The following BANP variants were observed in gnomAD, a reference collection of about 807,000 sequenced individuals.
BANP encodes protein BANP.
Under a neutral mutation model 68.1 loss-of-function variants are expected in BANP, and 11 were observed. The observed-to-expected ratio is 0.16, with a 90% CI of 0.10 to 0.27. The LOEUF (loss-of-function observed/expected upper bound fraction) is 0.27. Ranked by LOEUF, BANP falls within the 10% of genes least tolerant of loss-of-function variation. The probability of loss-of-function intolerance (pLI) is 1.00; values close to 1 mark genes in which losing one functional copy is unlikely to be tolerated. For synonymous variants in BANP, 329 were observed against 303.2 expected (o/e 1.09, Z -0.88); for missense variants, 504 against 722.7 (o/e 0.70, Z 3.47).
chr16:88,035,230 A>G lies in BANP; in HGVS notation c.1201-93A>G, dbSNP rs2079052980. ...TTAGTTATCTTTTTGAATTGTAAAC[A>G]GATAATCAAGAACAAACATTCCGGA... On this transcript the variant is annotated intron_variant, in intron 9 of 13. Transcript: ENST00000682872. 29 of 1,151,132 alleles carry G rather than the reference A, an allele frequency of 2.5e-5. No individual in the cohort carries two copies. In the South Asian group the frequency reaches 2.6e-4, roughly 10 times the overall value. The allele number at this position is 1,151,132 out of a possible 1,614,324, so 71.3% of individuals were successfully genotyped here. A position where few individuals can be genotyped will look rare whatever the true frequency, so the allele number is the denominator to read the frequency against.
At chr16:87,951,993 C>T (rs1326214892) in intron 1 of BANP, among the ~76,000 whole-genome samples, 1 of 149,720 alleles carries the variant, frequency 6.7e-6, no homozygotes, top group Non-Finnish European at 1.5e-5. Context: ...TGGACCGGAG[C>T]CCCATAGCCC....
intron 9 of BANP, among the ~76,000 whole-genome samples, chr16:88,033,696 C>G (rs1021878745): frequency 2.3e-4 from 35 of 152,210 alleles, no homozygotes; most frequent in Non-Finnish European, 1.2e-4. Flanking sequence ...TGCAGCGTGT[C>G]CCTTGGAGTT....
At chr16:87,977,811 G>A (rs552751814) in intron 2 of BANP, among the ~76,000 whole-genome samples, 108 of 151,392 alleles carry the variant, frequency 7.1e-4, no homozygotes, top group South Asian at 4.0e-3. Flanking sequence ...ACTTGCATCA[G>A]GCCTGTCACT....
intron 6 of BANP, among the ~76,000 whole-genome samples, chr16:88,008,717 G>A (rs930705539): frequency 5.3e-5 from 8 of 152,138 alleles, no homozygotes; most frequent in South Asian, 4.1e-4. Flanking sequence ...TTTTTCTTTA[G>A]CTAGGCTTTG....
rs1414257459 is a variant in BANP, at chr16:87,952,889, C to T, written c.-69+1374C>T. Reference sequence around the variant, plus strand: ...TCCCTGGCTCAAGTGATCCTCCCACCGCAGCCTCCTGAGTAGCTCGGACCA... The same window carrying T: ...TCCCTGGCTCAAGTGATCCTCCCACTGCAGCCTCCTGAGTAGCTCGGACCA... On this transcript the variant is annotated intron_variant, in intron 1 of 13. Coordinates refer to ENST00000682872, the MANE Select transcript of BANP (RefSeq NM_001386991.1). 3 of 152,118 alleles carry T rather than the reference C, an allele frequency of 2.0e-5. No individual in the cohort carries two copies. In the East Asian group the frequency reaches 5.8e-4, roughly 29 times the overall value. 9.4% of individuals were successfully genotyped at this position (152,118 alleles called of 1,614,324 possible).
At position 87,964,008 on chromosome 16, in the gene BANP, A is replaced by G. The variant is rs150562480; in HGVS notation, c.-68-11040A>G. Among the ~76,000 whole-genome samples the G allele has an allele frequency of 7.1e-3, 1,088 of 152,338 alleles. 13 individuals carry two copies. Among genetic ancestry groups the G allele is most frequent in the African/African-American group, 0.024 (993 of 41,562 alleles). On this transcript the variant is annotated intron_variant, in intron 1 of 13. Transcript: ENST00000682872. Reference sequence around the variant, plus strand: ...TTTCTCCTGATGACCAGCTACCGTTAGCCTTTGCTGACAGTGGATGGGCAC... The same window carrying G: ...TTTCTCCTGATGACCAGCTACCGTTGGCCTTTGCTGACAGTGGATGGGCAC...
intron 12 of BANP, among the ~76,000 whole-genome samples, chr16:88,069,963 C>T (rs2089891257): frequency 6.6e-6 from 1 of 152,186 alleles, no homozygotes; most frequent in African/African-American, 2.4e-5. Flanking sequence ...CCTCCTCTTC[C>T]CCCCAGCCCC....
At chr16:87,978,281 G>C (rs148687777) in intron 2 of BANP, among the ~76,000 whole-genome samples, 2,460 of 152,304 alleles carry the variant, frequency 0.016, 68 homozygotes, top group African/African-American at 0.053. Context: ...ACTACCTGTG[G>C]AGTCATTACT....
chr16:88,038,592 C>G (rs891552046), intron 11 of BANP, among the ~76,000 whole-genome samples: 3 of 151,948 alleles, frequency 2.0e-5, no homozygotes, highest in African/African-American at 7.3e-5. Flanking sequence ...GTATTGCCGT[C>G]AAACTCACAA....
chr16:88,003,265 C>T lies in BANP; in HGVS notation c.363-1030C>T, dbSNP rs2069958876. Among the ~76,000 whole-genome samples, 1 of 152,124 alleles carries T rather than the reference C, an allele frequency of 6.6e-6. No homozygotes were observed. The highest frequency in any genetic ancestry group is 2.4e-5 in the African/African-American group (1 of 41,416). ...ATTATGCCTTTATTTTAGGAGAAAA[C>T]CTGGTGGTCCTGTGATTTACTTGAG... On this transcript the variant is annotated intron_variant, in intron 4 of 13. Transcript: ENST00000682872. The surrounding 1 kb of genome is among the most constrained non-coding windows in gnomAD (Gnocchi z 6.1).
rs566645527 is a variant in BANP at position 87,957,116 on chromosome 16, A to G, written c.-69+5601A>G. 23 of 152,318 alleles carry G rather than the reference A, an allele frequency of 1.5e-4. No homozygotes were observed. Among genetic ancestry groups the G allele is most frequent in the South Asian group, 2.1e-4 (1 of 4,818 alleles). The allele number at this position is 152,318 out of a possible 1,614,324, so 9.4% of individuals were successfully genotyped here. ...TCTACACTTCGTCAAGAACCGTCCA[A>G]TTTGATTAAACATTCTGGATCGTCA... On this transcript the variant is annotated intron_variant, in intron 1 of 13. Coordinates refer to ENST00000682872, the MANE Select transcript of BANP (RefSeq NM_001386991.1). The surrounding 1 kb of genome is among the most constrained non-coding windows in gnomAD (Gnocchi z 4.3).
intron 11 of BANP, among the ~76,000 whole-genome samples, chr16:88,043,712 G>A (rs557980137): frequency 7.4e-4 from 112 of 152,308 alleles, no homozygotes; most frequent in African/African-American, 2.6e-3. Context: ...TCCCTGGAGC[G>A]GGGAGAGGCA....
Position 87,951,496 on chromosome 16 carries a change from A to C in BANP, c.-88A>C, listed in dbSNP as rs2056823640. 1 of 152,630 alleles carries C rather than the reference A, an allele frequency of 6.6e-6. No individual in the cohort carries two copies. The highest frequency in any genetic ancestry group is 1.5e-5 in the Non-Finnish European group (1 of 67,856). The allele number at this position is 152,630 out of a possible 1,614,324, so 9.5% of individuals were successfully genotyped here. On this transcript the variant is annotated 5_prime_UTR_variant, in exon 1 of 14. Coordinates refer to ENST00000682872, the MANE Select transcript of BANP (RefSeq NM_001386991.1). ...TCGCATCTCCCCGACAAACACCACGAGAATTCCGCAGCCCACACGGTAATT... is the reference window on the plus strand; with the variant it reads ...TCGCATCTCCCCGACAAACACCACGCGAATTCCGCAGCCCACACGGTAATT...
chr16:88,025,879 C>T (rs1381693124), intron 7 of BANP, among the ~76,000 whole-genome samples: 3 of 152,156 alleles, frequency 2.0e-5, no homozygotes, highest in Non-Finnish European at 4.4e-5. Context: ...TGGATTCCAT[C>T]CATGTATTTT....
chr16:87,984,669 T>C (rs959907562), intron 4 of BANP, among the ~76,000 whole-genome samples: 1 of 152,280 alleles, frequency 6.6e-6, no homozygotes, highest in Non-Finnish European at 1.5e-5. Flanking sequence ...GTTTTTATTT[T>C]GCTTATTTTT....
intron 1 of BANP, among the ~76,000 whole-genome samples, chr16:87,965,923 T>A (rs1344948180): frequency 2.0e-5 from 3 of 152,100 alleles, no homozygotes; most frequent in Non-Finnish European, 4.4e-5. Flanking sequence ...GTGGGGCTCG[T>A]GCAGTTGGAG....
chr16:88,034,108 T>C (rs2078789022), intron 9 of BANP, among the ~76,000 whole-genome samples: 1 of 152,208 alleles, frequency 6.6e-6, no homozygotes, highest in Non-Finnish European at 1.5e-5. Flanking sequence ...TCAGTGTGGC[T>C]TCAGCATGCT....
At chr16:87,959,556 GC>G (rs1469561670) in intron 1 of BANP, among the ~76,000 whole-genome samples, 4 of 152,346 alleles carry the variant, frequency 2.6e-5, no homozygotes, top group Middle Eastern at 3.4e-3. Flanking sequence ...CGGGGAGGAG[GC>G]CCCCTGGAGG....
chr16:87,966,457 T>C (rs2060039826), intron 1 of BANP, among the ~76,000 whole-genome samples: 1 of 152,262 alleles, frequency 6.6e-6, no homozygotes, highest in Admixed American at 6.5e-5. Flanking sequence ...GGCATTGCTG[T>C]GTTCCAGTTT....
Sources: allele counts gnomAD v4.1 joint callset (sites outside exome capture counted in the v4.1 genomes callset), GRCh38; gene constraint gnomAD v4.1.1; non-coding constraint Gnocchi (gnomAD v3.1); transcripts MANE v1.5; gene names NCBI Gene and HGNC (gene_info 2026-07-23, HGNC 2026-07-21).